The following RBFOX1 variants were observed in gnomAD, a reference collection of about 807,000 sequenced individuals.
The protein encoded by RBFOX1 is RNA binding protein fox-1 homolog 1.
RBFOX1 carries 8 observed loss-of-function variants against 57.7 expected under a neutral mutation model. That is an observed-to-expected ratio of 0.14 (90% CI 0.08 to 0.25). The LOEUF is 0.25. RBFOX1 is among the 10% of genes least tolerant of loss of function. The pLI, the probability that RBFOX1 is intolerant of heterozygous loss-of-function variation, is 1.00. For synonymous variants in RBFOX1, 326 were observed against 222.4 expected, an observed-to-expected ratio of 1.47 and a Z score of -4.15; for missense variants, 611 against 548.5, an observed-to-expected ratio of 1.11 and a Z score of -1.14.
chr16:7,301,498 G>A (rs1046806592), intron 4 of RBFOX1, among the ~76,000 whole-genome samples: 2 of 152,214 alleles, frequency 1.3e-5, no homozygotes, highest in Non-Finnish European at 2.9e-5. Flanking sequence ...GATCTGTGGG[G>A]ATCTAATCAC....
chr16:5,581,130 A>C (rs2046650756), intron 2 of RBFOX1, among the ~76,000 whole-genome samples: 1 of 152,160 alleles, frequency 6.6e-6, no homozygotes, highest in Non-Finnish European at 1.5e-5. Flanking sequence ...GATCCAGAGG[A>C]GAAGGGGGCA....
Position 6,019,892 on chromosome 16 carries a change from C to T in RBFOX1, c.-227C>T, listed in dbSNP as rs751979022. The T allele has an allele frequency of 1.4e-5, 21 of 1,534,910 alleles. No homozygotes were observed. The African/African-American group carries it at 2.6e-4, about 19-fold the overall frequency. On this transcript the variant is annotated 5_prime_UTR_variant, in exon 1 of 16. Transcript: ENST00000550418. This position sits in a 1 kb window ranked among gnomAD's most constrained non-coding sequence, Gnocchi z 4.2. ...AAACCAGCACCCCCTTCCGCCGCCT[C>T]CAGCTTATGGTGAGTGTGGCTGGGG...
At chr16:5,656,675 A>G (rs115394719) in intron 3 of RBFOX1, among the ~76,000 whole-genome samples, 1,590 of 152,362 alleles carry the variant, frequency 0.01, 22 homozygotes, top group African/African-American at 0.037. Flanking sequence ...GCCATACCCA[A>G]GGATTCTTAG....
At chr16:5,893,748 G>C (rs2058096856) in intron 4 of RBFOX1, among the ~76,000 whole-genome samples, 2 of 151,918 alleles carry the variant, frequency 1.3e-5, no homozygotes, top group South Asian at 4.1e-4. Flanking sequence ...AGAGGTTGCA[G>C]TGAGCCAAGA....
Position 7,460,389 on chromosome 16 carries a change from A to ATATATATATATATATATATATATG in RBFOX1, c.28-57757_28-57756insATATATATATATATATATATATGT. ...TAGCAAAATATATATATATATATAT[A>ATATATATATATATATATATATATG]TGTGTGTGTGTGTGTGTGTGTGTGT... On this transcript the variant is annotated intron_variant, in intron 4 of 15. Transcript: ENST00000550418. Among the ~76,000 whole-genome samples, 93 of 87,184 alleles carry ATATATATATATATATATATATATG rather than the reference A, an allele frequency of 1.1e-3. No homozygotes were observed. The South Asian group carries it at 0.013, about 12-fold the overall frequency. 57.2% of individuals were successfully genotyped at this position (87,184 alleles called of 152,430 possible).
At chr16:6,202,906 G>T (rs1185233793) in intron 1 of RBFOX1, among the ~76,000 whole-genome samples, 1 of 152,054 alleles carries the variant, frequency 6.6e-6, no homozygotes, top group Non-Finnish European at 1.5e-5. Flanking sequence ...CCAAGTAGCT[G>T]GGACTACAGG....
At chr16:6,446,001 G>C (rs1399288001) in intron 2 of RBFOX1, among the ~76,000 whole-genome samples, 3 of 151,388 alleles carry the variant, frequency 2.0e-5, no homozygotes, top group Non-Finnish European at 4.4e-5. Flanking sequence ...GTCTCTGTTT[G>C]TCATTCAGAC....
At chr16:5,689,740 C>T (rs1226825072) in intron 3 of RBFOX1, among the ~76,000 whole-genome samples, 1 of 149,446 alleles carries the variant, frequency 6.7e-6, no homozygotes, top group Non-Finnish European at 1.5e-5. Context: ...ACAAGGAATA[C>T]AATAGAGAAC....
intron 4 of RBFOX1, among the ~76,000 whole-genome samples, chr16:7,368,783 A>AT (rs1333375390): frequency 3.4e-5 from 5 of 147,800 alleles, no homozygotes; most frequent in African/African-American, 1.3e-4. Flanking sequence ...CTGTCTCAAA[A>AT]AAAAAAAAAA....
chr16:6,962,399 G>A (rs527553883), intron 3 of RBFOX1, among the ~76,000 whole-genome samples: 3 of 152,154 alleles, frequency 2.0e-5, no homozygotes, highest in Non-Finnish European at 4.4e-5. Flanking sequence ...CTTTTTAGGA[G>A]ATAAATTCAA....
intron 3 of RBFOX1, among the ~76,000 whole-genome samples, chr16:5,660,214 G>C (rs80246775): frequency 0.042 from 6,402 of 152,200 alleles, 461 homozygotes; most frequent in African/African-American, 0.15. Flanking sequence ...AGGTTGTTTC[G>C]TTGAGTGTCT....
intron 2 of RBFOX1, among the ~76,000 whole-genome samples, chr16:5,519,351 G>A (rs1326703800): frequency 2.0e-5 from 3 of 152,130 alleles, no homozygotes; most frequent in African/African-American, 7.2e-5. Flanking sequence ...TCTGAGATGG[G>A]GGATCTGTAA....
chr16:7,097,425 C>A lies in RBFOX1; in HGVS notation c.27+45327C>A, dbSNP rs565816729. Among the ~76,000 whole-genome samples the A allele has an allele frequency of 6.8e-4, 103 of 152,222 alleles. 1 individual carries two copies. In the South Asian group the frequency reaches 0.019, roughly 28 times the overall value. ...AAAGATCCCCATCTCCCATGCAACACCCTGGCATTAAAGCAGGGAAAGAGA... is the reference window on the plus strand; with the variant it reads ...AAAGATCCCCATCTCCCATGCAACAACCTGGCATTAAAGCAGGGAAAGAGA... On this transcript the variant is annotated intron_variant, in intron 4 of 15. Transcript: ENST00000550418.
intron 3 of RBFOX1, among the ~76,000 whole-genome samples, chr16:7,023,190 G>A (rs182763616): frequency 4.6e-5 from 7 of 152,134 alleles, no homozygotes; most frequent in Non-Finnish European, 1.0e-4. Flanking sequence ...ATTATGAAAT[G>A]AATGGGCTGG....
chr16:7,526,662 G>A (rs1032219776), intron 5 of RBFOX1, among the ~76,000 whole-genome samples: 6 of 152,280 alleles, frequency 3.9e-5, no homozygotes, highest in South Asian at 2.1e-4. Context: ...TAGTTACATC[G>A]AAATGAGAAT....
At chr16:5,630,916 A>C (rs898556414) in intron 3 of RBFOX1, among the ~76,000 whole-genome samples, 1 of 152,142 alleles carries the variant, frequency 6.6e-6, no homozygotes, top group African/African-American at 2.4e-5. Flanking sequence ...TTGGTTTCTG[A>C]TGTTATTTTC....
At chr16:7,273,188 C>CCCTTCCTTCCTT (rs1313541893) in intron 4 of RBFOX1, among the ~76,000 whole-genome samples, 1 of 121,398 alleles carries the variant, frequency 8.2e-6, no homozygotes, top group African/African-American at 3.4e-5. Context: ...CTTCCTTCCT[C>CCCTTCCTTCCTT]CCTTCCTTCC....
chr16:6,979,268 T>A (rs1042017781), intron 3 of RBFOX1, among the ~76,000 whole-genome samples: 7 of 152,152 alleles, frequency 4.6e-5, no homozygotes, highest in Non-Finnish European at 1.0e-4. Flanking sequence ...AGTAAAAACC[T>A]TAGAGGATTC....
intron 3 of RBFOX1, among the ~76,000 whole-genome samples, chr16:6,659,523 A>T (rs2098687939): frequency 6.6e-6 from 1 of 152,068 alleles, no homozygotes; most frequent in Admixed American, 6.6e-5. Context: ...AAGTACCATC[A>T]TTTTCCCTGT....
Sources: allele counts gnomAD v4.1 joint callset (sites outside exome capture counted in the v4.1 genomes callset), GRCh38; gene constraint gnomAD v4.1.1; non-coding constraint Gnocchi (gnomAD v3.1); transcripts MANE v1.5; gene names NCBI Gene and HGNC (gene_info 2026-07-23, HGNC 2026-07-21).